The following POR variants were observed in gnomAD, a reference collection of about 807,000 sequenced individuals.
POR encodes the protein cytochrome p450 oxidoreductase.
A neutral mutation model predicts 84.0 loss-of-function variants in POR; 56 were observed. The observed-to-expected ratio is 0.67, with a 90% CI of 0.54 to 0.83. POR has a LOEUF of 0.83. POR is among the 40% of genes least tolerant of loss of function. The pLI is 0.00. For synonymous variants in POR, 414 were observed against 400.5 expected, an observed-to-expected ratio of 1.03 and a Z score of -0.40; for missense variants, 938 against 944.3, an observed-to-expected ratio of 0.99 and a Z score of 0.09.
intron 3 of POR, among the ~76,000 whole-genome samples, chr7:75,978,383 T>C (rs955707376): frequency 6.6e-6 from 1 of 152,176 alleles, no homozygotes; most frequent in Non-Finnish European, 1.5e-5. Context: ...ATAGCAACTA[T>C]TTACAGAGAA....
In POR at chr7:75,986,259, C is replaced by T; in HGVS notation, c.1898+18C>T. On this transcript the variant is annotated intron_variant, in intron 15 of 15. Coordinates refer to ENST00000461988, the MANE Select transcript of POR (RefSeq NM_000941.3). ...GTCTGTGGGTGAGTGAGTGGGGTCA[C>T]TGGAATAGGGGGCAGGGAGGACAAG... 1 of 1,612,654 alleles carries T rather than the reference C, an allele frequency of 6.2e-7. No homozygotes were observed. Among genetic ancestry groups the T allele is most frequent in the Non-Finnish European group, 8.5e-7 (1 of 1,179,818 alleles).
intron 2 of POR, chr7:75,968,370 C>T (rs1563422554): frequency 2.4e-6 from 1 of 424,820 alleles, no homozygotes. Flanking sequence ...GACTTGCACG[C>T]TGCATTTCCC....
intron 2 of POR, among the ~76,000 whole-genome samples, chr7:75,956,914 C>T (rs782221245): frequency 3.9e-5 from 6 of 152,100 alleles, no homozygotes; most frequent in East Asian, 1.9e-4. Context: ...TTAGTAGAGA[C>T]GGGGTTTCAC....
Position 75,980,367 on chromosome 7 carries a change from A to G in POR, c.395A>G (p.Asp132Gly). The change falls in exon 5 of 16, where the codon GAC (aspartate) becomes GGC (glycine). Residue 132 changes from aspartate to glycine, a missense_variant. Asp to Gly is a moderately conservative substitution (Grantham distance 94, BLOSUM62 -1). Transcript: ENST00000461988. The stretch of plus-strand genomic sequence containing the variant: ...GACCTGAGCAGCCTGCCAGAGATCG[A>G]CAACGCCCTGGTGGTTTTCTGCATG... 6.2e-7 allele frequency: 1 copy of G among 1,613,068 alleles called. No individual in the cohort carries two copies. Among genetic ancestry groups the G allele is most frequent in the Non-Finnish European group, 8.5e-7 (1 of 1,179,822 alleles).
chr7:75,971,938 G>A (rs1221438432), intron 2 of POR, among the ~76,000 whole-genome samples: 3 of 152,198 alleles, frequency 2.0e-5, no homozygotes, highest in Non-Finnish European at 2.9e-5. Context: ...CCCATGGGTC[G>A]TGGGAGCTGT....
intron 2 of POR, chr7:75,968,156 C>T (rs1554555584): frequency 2.2e-6 from 1 of 458,782 alleles, no homozygotes; most frequent in East Asian, 7.0e-5. Flanking sequence ...TCCCTGGCGG[C>T]AGACTGCCCT....
chr7:75,986,288 C>G lies in POR; in HGVS notation c.1898+47C>G, dbSNP rs1483670833. 10 of 1,612,544 alleles carry G rather than the reference C, an allele frequency of 6.2e-6. No individual in the cohort carries two copies. The Admixed American group carries it at 1.5e-4, about 24-fold the overall frequency. On this transcript the variant is annotated intron_variant, in intron 15 of 15. Transcript: ENST00000461988. ...AATAGGGGGCAGGGAGGACAAGGCC[C>G]TGCCTGCCACAGTTGGCCCAGCCCC...
At chr7:75,938,928 C>G (rs1554551172) in intron 1 of POR, among the ~76,000 whole-genome samples, 1 of 152,200 alleles carries the variant, frequency 6.6e-6, no homozygotes, top group Non-Finnish European at 1.5e-5. Context: ...CTGGTGGACC[C>G]TGATCATTCT....
At chr7:75,917,650 T>C (rs781843600) in intron 1 of POR, among the ~76,000 whole-genome samples, 18 of 152,138 alleles carry the variant, frequency 1.2e-4, no homozygotes, top group Non-Finnish European at 2.5e-4. Context: ...TTTTCTTTTC[T>C]TTTCTTTTTT....
rs373737641 is a variant in POR, at chr7:75,986,413, G to A, written c.1975G>A (p.Ala659Thr). 1.9e-5 allele frequency: 31 copies of A among 1,612,404 alleles called. No homozygotes were observed. Among genetic ancestry groups the A allele is most frequent in the African/African-American group, 1.5e-4 (11 of 74,938 alleles). Reference sequence around the variant, plus strand: ...GGCTGAGCTCGGGGCCATGGAGCACGCGCAGGCGGTGGACTACATCAAGAA... The same window carrying A: ...GGCTGAGCTCGGGGCCATGGAGCACACGCAGGCGGTGGACTACATCAAGAA... The change falls in exon 16 of 16, where the codon GCG becomes ACG. Residue 659 changes from alanine to threonine, a missense_variant. Transcript: ENST00000461988.
At position 75,981,605 on chromosome 7, in the gene POR, A is replaced by G; in HGVS notation, c.730A>G (p.Ser244Gly). The G allele has an allele frequency of 1.2e-6, 2 of 1,612,284 alleles. No individual in the cohort carries two copies. The highest frequency in any genetic ancestry group is 1.1e-5 in the South Asian group (1 of 90,818). The change falls in exon 7 of 16, where the codon AGC (serine) becomes GGC (glycine). Residue 244 changes from serine (S) to glycine (G), a missense_variant and splice_region_variant. Transcript: ENST00000461988. ...GGTGGAAGCCACTGGCGAGGAGTCC[A>G]GGTGAGCAAGTGCCCGCAGGTGCGG... is the stretch of plus-strand genomic sequence containing the variant.
At position 75,986,418 on chromosome 7, in the gene POR, G is replaced by C; in HGVS notation, c.1980G>C (p.Gln660His). 6.2e-7 allele frequency: 1 copy of C among 1,612,550 alleles called. No individual in the cohort carries two copies. The highest frequency in any genetic ancestry group is 1.1e-5 in the South Asian group (1 of 91,088). Residue 660 changes from glutamine (Q) to histidine (H), a missense_variant, in exon 16 of 16, where the codon CAG becomes CAC. Coordinates refer to ENST00000461988, the MANE Select transcript of POR (RefSeq NM_000941.3). ...AGCTCGGGGCCATGGAGCACGCGCAGGCGGTGGACTACATCAAGAAACTGA... is the reference window on the plus strand; with the variant it reads ...AGCTCGGGGCCATGGAGCACGCGCACGCGGTGGACTACATCAAGAAACTGA...
At chr7:75,954,294 G>A in intron 2 of POR, 114 bp downstream of exon 2, 2 of 1,128,424 alleles carry the variant, frequency 1.8e-6, no homozygotes, top group Non-Finnish European at 2.5e-6. Flanking sequence ...AGCATTTTGG[G>A]GTGACTCTTG....
At chr7:75,926,197 A>G (rs782095620) in intron 1 of POR, among the ~76,000 whole-genome samples, 6 of 151,518 alleles carry the variant, frequency 4.0e-5, no homozygotes, top group Non-Finnish European at 7.4e-5. Context: ...GGGTCTTGCT[A>G]TGTTGCCCAG....
In POR at chr7:75,964,048, G is replaced by A. The variant is rs1585113856; in HGVS notation, c.189-8365G>A. On this transcript the variant is annotated intron_variant, in intron 2 of 15. Coordinates refer to ENST00000461988, the MANE Select transcript of POR (RefSeq NM_000941.3). Reference sequence around the variant, plus strand: ...GGAGTCTTACTCTGTGGCCCAGGCTGGAGTTCAGTGGCACAATCTTGGCTC... The same window carrying A: ...GGAGTCTTACTCTGTGGCCCAGGCTAGAGTTCAGTGGCACAATCTTGGCTC... Among the ~76,000 whole-genome samples, 4 of 150,386 alleles carry A rather than the reference G, an allele frequency of 2.7e-5. No individual in the cohort carries two copies. The South Asian group carries it at 6.3e-4, about 24-fold the overall frequency.
chr7:75,926,030 CTTTTTTT>C (rs869058308), intron 1 of POR, among the ~76,000 whole-genome samples: 3 of 114,846 alleles, frequency 2.6e-5, no homozygotes, highest in Admixed American at 1.8e-4. Flanking sequence ...TTTTCTCTCT[CTTTTTTT>C]TTTTTTTTTT....
intron 1 of POR, among the ~76,000 whole-genome samples, chr7:75,926,331 C>T (rs1807125334): frequency 6.6e-6 from 1 of 152,028 alleles, no homozygotes; most frequent in Non-Finnish European, 1.5e-5. Flanking sequence ...AAAAGCTTGG[C>T]TTGGTTTCTT....
chr7:75,949,137 T>TTTGTTGTTG (rs147245532), intron 1 of POR, among the ~76,000 whole-genome samples: 16 of 151,252 alleles, frequency 1.1e-4, no homozygotes, highest in East Asian at 5.8e-4. Context: ...ACTTCAGGGC[T>TTTGTTGTTG]TTGTTGTTGT....
At chr7:75,942,462 T>A (rs1786963525) in intron 1 of POR, among the ~76,000 whole-genome samples, 1 of 152,124 alleles carries the variant, frequency 6.6e-6, no homozygotes, top group Non-Finnish European at 1.5e-5. Context: ...TTATAGATTT[T>A]TTTTTTTAGA....
Sources: gnomAD v4.1 joint callset for allele counts (sites outside exome capture counted in the v4.1 genomes callset) on GRCh38, gnomAD v4.1.1 for gene constraint, MANE v1.5 for transcripts, NCBI Gene and HGNC (gene_info 2026-07-23, HGNC 2026-07-21) for gene names.